The following CCDC85A variants were observed in gnomAD, a reference collection of about 807,000 sequenced individuals.
CCDC85A encodes the protein coiled-coil domain containing 85A, also known as coiled-coil domain-containing protein 85A.
In CCDC85A, 38 loss-of-function variants were observed where a neutral mutation model predicts 50.2. The observed-to-expected ratio is 0.76, with a 90% CI of 0.58 to 0.99. The LOEUF (loss-of-function observed/expected upper bound fraction) is 0.99, where lower values mean the gene tolerates loss of function less well. CCDC85A is among the 50% of genes least tolerant of loss of function. The pLI is 0.00. For synonymous variants in CCDC85A, 366 were observed against 301.4 expected, an observed-to-expected ratio of 1.21 and a Z score of -2.22; for missense variants, 820 against 742.0, an observed-to-expected ratio of 1.11 and a Z score of -1.22.
chr2:56,200,225 A>T (rs1319629780), intron 2 of CCDC85A, among the ~76,000 whole-genome samples: 1 of 152,214 alleles, frequency 6.6e-6, no homozygotes, highest in African/African-American at 2.4e-5. Context: ...TGTTTCTATA[A>T]TATTATCAAC....
At chr2:56,226,032 ATGTGT>A (rs1212188732) in intron 2 of CCDC85A, among the ~76,000 whole-genome samples, 1 of 152,154 alleles carries the variant, frequency 6.6e-6, no homozygotes, top group Non-Finnish European at 1.5e-5. Flanking sequence ...CTCTCTTAAA[ATGTGT>A]TGCATAGAAC....
chr2:56,289,110 A>T (rs1431700986), intron 2 of CCDC85A, among the ~76,000 whole-genome samples: 5 of 152,168 alleles, frequency 3.3e-5, no homozygotes, highest in African/African-American at 1.2e-4. Context: ...ATGCCAAATG[A>T]AAGTATTCAG....
At position 56,184,667 on chromosome 2, in the gene CCDC85A, G is replaced by A. The variant is rs1457065119; in HGVS notation, c.43G>A (p.Ala15Thr). The A allele has an allele frequency of 1.0e-5, 15 of 1,467,642 alleles. No homozygotes were observed. In the South Asian group the frequency reaches 1.8e-4, roughly 17 times the overall value. 90.9% of individuals were successfully genotyped at this position (1,467,642 alleles called of 1,614,324 possible). A position where few individuals can be genotyped will look rare whatever the true frequency, so the allele number is the denominator to read the frequency against. Residue 15 changes from alanine to threonine, a missense_variant, in exon 1 of 6, where the codon GCG becomes ACG. Coordinates refer to ENST00000407595, the MANE Select transcript of CCDC85A (RefSeq NM_001080433.2). ...AGGAAAAAAA[A>T]ESCSPAPAGS... is the part of the protein sequence containing the mutation. ...AGGCGCGGCGGCGGCTGCGGCGGCG[G>A]CGGAAAGTTGTTCCCCAGCCCCGGC...
chr2:56,184,935 C>G (rs942503306), intron 1 of CCDC85A, 35 bp downstream of exon 1: 7 of 1,451,922 alleles, frequency 4.8e-6, no homozygotes, highest in Admixed American at 4.8e-5. Context: ...CGCGGCGCGG[C>G]TGGGAGCGGG....
chr2:56,367,436 C>G (rs546188863), intron 3 of CCDC85A, among the ~76,000 whole-genome samples: 21 of 152,254 alleles, frequency 1.4e-4, no homozygotes, highest in Non-Finnish European at 2.9e-4. Context: ...TATGCAAAAT[C>G]TGCTATAGAG....
At chr2:56,197,473 A>G (rs940515781) in intron 2 of CCDC85A, among the ~76,000 whole-genome samples, 11 of 152,178 alleles carry the variant, frequency 7.2e-5, no homozygotes, top group African/African-American at 2.7e-4. Flanking sequence ...GATAGCTTTG[A>G]AAAAATACTG....
intron 2 of CCDC85A, among the ~76,000 whole-genome samples, chr2:56,233,135 C>T (rs1234606297): frequency 2.6e-5 from 4 of 152,188 alleles, no homozygotes; most frequent in Admixed American, 6.5e-5. Flanking sequence ...CTAAGCTTAA[C>T]TCTCACTTCT....
intron 2 of CCDC85A, among the ~76,000 whole-genome samples, chr2:56,235,891 C>T (rs948605395): frequency 2.6e-5 from 4 of 152,172 alleles, no homozygotes; most frequent in Non-Finnish European, 5.9e-5. Context: ...TCTTCTCTTT[C>T]AGGCTAAGAG....
intron 2 of CCDC85A, among the ~76,000 whole-genome samples, chr2:56,202,278 C>G (rs947695071): frequency 2.0e-5 from 3 of 152,194 alleles, no homozygotes; most frequent in Non-Finnish European, 4.4e-5. Flanking sequence ...CCAGATGGGA[C>G]ACACAGTTCA....
At chr2:56,376,901 C>T (rs184232675) in intron 5 of CCDC85A, among the ~76,000 whole-genome samples, 15 of 152,304 alleles carry the variant, frequency 9.8e-5, no homozygotes, top group South Asian at 6.2e-4. Context: ...AATGATTTAT[C>T]ATCAGCCTGG....
intron 2 of CCDC85A, among the ~76,000 whole-genome samples, chr2:56,324,339 C>T (rs1186906092): frequency 6.6e-6 from 1 of 151,952 alleles, no homozygotes; most frequent in Non-Finnish European, 1.5e-5. Flanking sequence ...TGTCTTCTGT[C>T]AAGGGGGAAA....
intron 2 of CCDC85A, among the ~76,000 whole-genome samples, chr2:56,226,324 A>G: frequency 6.6e-6 from 1 of 152,174 alleles, no homozygotes. Flanking sequence ...TGCTTTGCTT[A>G]CCATTGGTTA....
At chr2:56,301,916 C>T (rs1283425574) in intron 2 of CCDC85A, among the ~76,000 whole-genome samples, 5 of 152,114 alleles carry the variant, frequency 3.3e-5, no homozygotes, top group Admixed American at 3.3e-4. Context: ...TGTAACAAAC[C>T]TGCACATTCT....
At chr2:56,195,815 T>C (rs1676498823) in intron 2 of CCDC85A, among the ~76,000 whole-genome samples, 1 of 152,172 alleles carries the variant, frequency 6.6e-6, no homozygotes, top group African/African-American at 2.4e-5. Context: ...GGATGAGCAC[T>C]TGCATGTTTT....
chr2:56,260,154 G>T (rs1262485468), intron 2 of CCDC85A, among the ~76,000 whole-genome samples: 1 of 152,198 alleles, frequency 6.6e-6, no homozygotes, highest in African/African-American at 2.4e-5. Flanking sequence ...ATACCAATGT[G>T]AAAATCAGTG....
chr2:56,334,263 G>A (rs1673967017), intron 2 of CCDC85A, among the ~76,000 whole-genome samples: 1 of 152,164 alleles, frequency 6.6e-6, no homozygotes, highest in Non-Finnish European at 1.5e-5. Context: ...GGCTGCTACT[G>A]TATCCCCGGG....
chr2:56,188,899 A>G (rs1021045132), intron 1 of CCDC85A, among the ~76,000 whole-genome samples: 5 of 152,220 alleles, frequency 3.3e-5, no homozygotes, highest in Non-Finnish European at 7.3e-5. Flanking sequence ...TCAAAGAAAG[A>G]CTTTTGGAAT....
At chr2:56,382,259 A>G (rs1462483186) in intron 5 of CCDC85A, among the ~76,000 whole-genome samples, 2 of 152,040 alleles carry the variant, frequency 1.3e-5, no homozygotes, top group Non-Finnish European at 2.9e-5. Flanking sequence ...ATGCCTTTAT[A>G]ATAATGTCAC....
chr2:56,271,564 C>T (rs898980403), intron 2 of CCDC85A, among the ~76,000 whole-genome samples: 2 of 152,132 alleles, frequency 1.3e-5, no homozygotes, highest in Admixed American at 1.3e-4. Flanking sequence ...GGGGTTGCCT[C>T]ATAAACTGAC....
Sources: allele counts gnomAD v4.1 joint callset (sites outside exome capture counted in the v4.1 genomes callset), GRCh38; gene constraint gnomAD v4.1.1; transcripts MANE v1.5; gene names NCBI Gene and HGNC (gene_info 2026-07-23, HGNC 2026-07-21).